VWF: variants seen among roughly 807,000 people sequenced by gnomAD.
The protein encoded by VWF is Factor VIII related antigen.
A neutral mutation model predicts 308.6 loss-of-function variants in VWF; 176 were observed. That is an observed-to-expected ratio of 0.57 (90% confidence interval 0.50 to 0.65). The LOEUF (loss-of-function observed/expected upper bound fraction) is 0.65, where lower values mean the gene tolerates loss of function less well. Ranked by LOEUF, VWF falls within the 30% of genes least tolerant of loss-of-function variation. VWF has a pLI of 0.00. For missense variants in VWF, 3,146 were observed against 3,648.2 expected (o/e 0.86, Z 3.55); for synonymous variants, 1,385 against 1,443.4 (o/e 0.96, Z 0.92).
At chr12:6,086,566 G>C (rs1383964122) in intron 6 of VWF, among the ~76,000 whole-genome samples, 1 of 152,102 alleles carries the variant, frequency 6.6e-6, no homozygotes, top group African/African-American at 2.4e-5. Flanking sequence ...ATTCTTCCCA[G>C]TCTCCAAGAA....
At chr12:6,013,373 C>G in intron 32 of VWF, 108 bp downstream of exon 32, 1 of 1,393,106 alleles carries the variant, frequency 7.2e-7, no homozygotes, top group South Asian at 1.2e-5. Context: ...AAGGCCAAAT[C>G]TTATGCATGG....
chr12:6,008,533 A>G (rs1209921464), intron 34 of VWF, among the ~76,000 whole-genome samples: 1 of 152,220 alleles, frequency 6.6e-6, no homozygotes. Context: ...AACAAAATAA[A>G]GGCCATTAAT....
chr12:6,110,156 A>T (rs1565393658), intron 5 of VWF, among the ~76,000 whole-genome samples: 1 of 152,140 alleles, frequency 6.6e-6, no homozygotes, highest in Non-Finnish European at 1.5e-5. Flanking sequence ...AGAGAATTCA[A>T]AGTTGAACGA....
chr12:6,034,714 C>G lies in VWF; in HGVS notation c.2659G>C (p.Gly887Arg). 6.2e-7 allele frequency: 1 copy of G among 1,614,124 alleles called. No homozygotes were observed. Among genetic ancestry groups the G allele is most frequent in the Non-Finnish European group, 8.5e-7 (1 of 1,180,002 alleles). ...TFDGLKYLFPGECQYVLVQDY... is the reference protein window; with the variant it reads ...TFDGLKYLFPRECQYVLVQDY... ...TGCACCAGAACGTACTGGCACTCCCCGGGGAACAGGTATTTGAGCCCGTCG... is the reference window on the plus strand; with the variant it reads ...TGCACCAGAACGTACTGGCACTCCCGGGGGAACAGGTATTTGAGCCCGTCG... The change falls in exon 20 of 52, where the codon GGG becomes CGG. Residue 887 changes from glycine to arginine, a missense_variant. By Grantham distance (125) the Gly-to-Arg change is moderately radical. Coordinates refer to ENST00000261405, the MANE Select transcript of VWF (RefSeq NM_000552.5).
At chr12:6,070,214 T>G (rs181119783) in intron 10 of VWF, among the ~76,000 whole-genome samples, 3 of 152,338 alleles carry the variant, frequency 2.0e-5, no homozygotes, top group East Asian at 1.9e-4. Context: ...CGTGCCTTCT[T>G]TAAGGGTTAC....
chr12:5,991,167 T>A (rs537453971), intron 38 of VWF, among the ~76,000 whole-genome samples: 218 of 134,976 alleles, frequency 1.6e-3, no homozygotes, highest in African/African-American at 5.0e-3. Context: ...CAAGGGATTC[T>A]CACACACACA....
intron 5 of VWF, among the ~76,000 whole-genome samples, chr12:6,100,406 T>C (rs1020891586): frequency 4.2e-5 from 6 of 142,350 alleles, no homozygotes; most frequent in African/African-American, 1.8e-4. Context: ...ATACCCAAAG[T>C]ACTACAAATC....
intron 7 of VWF, 89 bp from the exon 8 acceptor site, chr12:6,073,830 C>T: frequency 6.3e-7 from 1 of 1,581,550 alleles, no homozygotes; most frequent in Non-Finnish European, 8.6e-7. Context: ...GCCTCTCGTG[C>T]CCACTCTGAC....
intron 5 of VWF, among the ~76,000 whole-genome samples, chr12:6,108,332 T>TACACACAC (rs553993725): frequency 1.0e-3 from 51 of 49,080 alleles, no homozygotes; most frequent in African/African-American, 2.3e-3. Flanking sequence ...GAAAGAAATA[T>TACACACAC]ATACACACAC....
At chr12:5,975,951 G>A (rs1943527921) in intron 43 of VWF, among the ~76,000 whole-genome samples, 160 bp downstream of exon 43, 1 of 152,052 alleles carries the variant, frequency 6.6e-6, no homozygotes, top group East Asian at 1.9e-4. Flanking sequence ...GGGAGGCAGA[G>A]CTTGCAGTGA....
chr12:6,095,624 G>A lies in VWF; in HGVS notation c.533-40C>T. On this transcript the variant is annotated intron_variant, in intron 5 of 51. Transcript: ENST00000261405. The stretch of plus-strand genomic sequence containing the variant: ...TTCAGGAAAGTAATGCTTCAGTTAT[G>A]CCTGTCCCAGAACTTCTGGGTGAAA... The A allele has an allele frequency of 1.9e-6, 3 of 1,613,770 alleles. No homozygotes were observed. In the South Asian group the frequency reaches 3.3e-5, roughly 18 times the overall value.
Position 6,019,935 on chromosome 12 carries a change from C to G in VWF, c.3675-192G>C, listed in dbSNP as rs1186259481. Among the ~76,000 whole-genome samples the G allele has an allele frequency of 6.6e-6, 1 of 152,176 alleles. No homozygotes were observed. ...CATCTGTCCCCAAATAGCATGCCCC[C>G]CACCTTCAAAACACACACATAGCCG... On this transcript the variant is annotated intron_variant, in intron 27 of 51. Coordinates refer to ENST00000261405, the MANE Select transcript of VWF (RefSeq NM_000552.5). This position sits in a 1 kb window ranked among gnomAD's most constrained non-coding sequence, Gnocchi z 5.8.
intron 5 of VWF, among the ~76,000 whole-genome samples, chr12:6,099,877 C>A (rs1945142646): frequency 6.6e-6 from 1 of 152,060 alleles, no homozygotes. Flanking sequence ...GCAACGAAAG[C>A]CAAAATTGAC....
intron 35 of VWF, among the ~76,000 whole-genome samples, chr12:5,994,837 G>A (rs909076448): frequency 1.3e-5 from 2 of 152,140 alleles, no homozygotes; most frequent in African/African-American, 4.8e-5. Flanking sequence ...CTGTACGGGT[G>A]GCCATGCACC....
In VWF at chr12:6,020,489, A is replaced by C. The variant is rs962426228; in HGVS notation, c.3675-746T>G. Reference sequence around the variant, plus strand: ...GCTCTGTGCCCAGCCCCAAGCACACACCACAAGTCTGTAGTAGAGCAGTGG... The same window carrying C: ...GCTCTGTGCCCAGCCCCAAGCACACCCCACAAGTCTGTAGTAGAGCAGTGG... On this transcript the variant is annotated intron_variant, in intron 27 of 51. Transcript: ENST00000261405. The surrounding 1 kb of genome is among the most constrained non-coding windows in gnomAD (Gnocchi z 4.3). 3.9e-5 allele frequency among the ~76,000 whole-genome samples: 6 copies of C among 152,144 alleles called. No homozygotes were observed. Among genetic ancestry groups the C allele is most frequent in the Non-Finnish European group, 8.8e-5 (6 of 68,034 alleles).
chr12:5,964,015 G>A (rs1943349800), intron 47 of VWF, among the ~76,000 whole-genome samples: 2 of 146,290 alleles, frequency 1.4e-5, no homozygotes, highest in Non-Finnish European at 1.5e-5. Context: ...AGACCATTCT[G>A]GTTAACACGG....
In VWF at chr12:6,044,302, G is replaced by A. The variant is rs779902513; in HGVS notation, c.2431C>T (p.Pro811Ser). Residue 811 changes from proline to serine, a missense_variant, in exon 18 of 52, where the codon CCC (proline) becomes TCC (serine). Coordinates refer to ENST00000261405, the MANE Select transcript of VWF (RefSeq NM_000552.5). ...GCCTGGTGACTCACCATGCCCGGGG[G>A]GCAGAGGCAGCCAGAGACACAGCCC... is the stretch of plus-strand genomic sequence containing the variant. ...SMGCVSGCLC[P>S]PGMVRHENRC... The A allele has an allele frequency of 3.1e-6, 5 of 1,614,088 alleles. No homozygotes were observed. The highest frequency in any genetic ancestry group is 4.2e-6 in the Non-Finnish European group (5 of 1,179,990).
At chr12:6,083,426 G>A (rs1180683390) in intron 6 of VWF, among the ~76,000 whole-genome samples, 9 of 152,182 alleles carry the variant, frequency 5.9e-5, no homozygotes, top group Non-Finnish European at 1.0e-4. Context: ...TTAGCCAGGC[G>A]TGGTGGCACG....
At chr12:5,978,021 C>T (rs997988328) in intron 42 of VWF, among the ~76,000 whole-genome samples, 1 of 149,126 alleles carries the variant, frequency 6.7e-6, no homozygotes, top group Non-Finnish European at 1.5e-5. Flanking sequence ...AAGTGTTTTA[C>T]ACCATAGTAA....
Sources: allele counts gnomAD v4.1 joint callset (sites outside exome capture counted in the v4.1 genomes callset), GRCh38; gene constraint gnomAD v4.1.1; non-coding constraint Gnocchi (gnomAD v3.1); transcripts MANE v1.5; gene names NCBI Gene and HGNC (gene_info 2026-07-23, HGNC 2026-07-21).